The following ANKAR variants were observed in gnomAD, a reference collection of about 807,000 sequenced individuals.
ANKAR encodes the protein ankyrin and armadillo repeat containing, also known as ankyrin and armadillo repeat-containing protein.
ANKAR carries 136 observed loss-of-function variants against 146.2 expected under a neutral mutation model. That is an observed-to-expected ratio of 0.93 (90% CI 0.81 to 1.07). ANKAR has a LOEUF of 1.07. ANKAR is among the 50% of genes least tolerant of loss of function. The pLI, the probability that ANKAR is intolerant of heterozygous loss-of-function variation, is 0.00. For missense variants in ANKAR, 1,567 were observed against 1,679.9 expected (o/e 0.93, Z 1.18); for synonymous variants, 500 against 575.8 (o/e 0.87, Z 1.88).
chr2:189,698,380 A>G (rs2037554887), intron 7 of ANKAR, among the ~76,000 whole-genome samples: 1 of 151,786 alleles, frequency 6.6e-6, no homozygotes. Context: ...AGTGGTTTCT[A>G]CAACTTAAAA....
At chr2:189,698,405 A>G (rs1009043739) in intron 7 of ANKAR, among the ~76,000 whole-genome samples, 36 of 151,986 alleles carry the variant, frequency 2.4e-4, no homozygotes, top group Non-Finnish European at 4.7e-4. Context: ...AAAAGTTATT[A>G]TAATATAAAT....
At chr2:189,699,116 G>C (rs538932857) in intron 7 of ANKAR, among the ~76,000 whole-genome samples, 29 of 152,092 alleles carry the variant, frequency 1.9e-4, no homozygotes, top group African/African-American at 7.0e-4. Context: ...GCCTTCATAG[G>C]TGCTCAGGAA....
chr2:189,754,861 C>T, intron 18 of ANKAR: 1 of 322,742 alleles, frequency 3.1e-6, no homozygotes, highest in Non-Finnish European at 5.6e-6. Context: ...CTTATTTTAC[C>T]TTTTTTGCAG....
chr2:189,691,276 G>A (rs549227695), intron 3 of ANKAR, among the ~76,000 whole-genome samples: 46 of 152,260 alleles, frequency 3.0e-4, no homozygotes, highest in African/African-American at 1.0e-3. Context: ...AGCTGGTCTC[G>A]GACTCCTGAC....
chr2:189,719,611 A>C lies in ANKAR; in HGVS notation c.2264A>C (p.Lys755Thr). ...TTAATCAATCTATTAAAAAGTTCCA[A>C]AATAAAACTGCAGTGCAAAACTGTT... is the stretch of plus-strand genomic sequence containing the variant. ...PALINLLKSS[K>T]IKLQCKTVGL... The change falls in exon 11 of 23, where the codon AAA becomes ACA. Residue 755 changes from lysine (K) to threonine (T), a missense_variant. By Grantham distance (78) the Lys-to-Thr change is moderately conservative (BLOSUM62 -1). Transcript: ENST00000684021. The C allele has an allele frequency of 6.2e-7, 1 of 1,613,312 alleles. No individual in the cohort carries two copies. The highest frequency in any genetic ancestry group is 8.5e-7 in the Non-Finnish European group (1 of 1,179,406).
intron 10 of ANKAR, among the ~76,000 whole-genome samples, chr2:189,711,453 T>G (rs2039669716): frequency 6.6e-6 from 1 of 152,216 alleles, no homozygotes; most frequent in South Asian, 2.1e-4. Context: ...TATACTTACT[T>G]TCATTTAGAA....
chr2:189,754,274 AT>A (rs2106000887), intron 18 of ANKAR: 1 of 1,613,828 alleles, frequency 6.2e-7, no homozygotes, highest in East Asian at 2.2e-5. Flanking sequence ...GTTTGGCCAA[AT>A]GTTCTATGGC....
intron 18 of ANKAR, chr2:189,754,144 C>A (rs553841379): frequency 6.2e-7 from 1 of 1,613,084 alleles, no homozygotes; most frequent in African/African-American, 1.3e-5. Context: ...AATATACCTT[C>A]CTCTTTTTCC....
At chr2:189,688,247 C>T (rs73048427) in intron 2 of ANKAR, among the ~76,000 whole-genome samples, 8,135 of 152,114 alleles carry the variant, frequency 0.053, 713 homozygotes, top group African/African-American at 0.19. Context: ...GTTCTTGGCA[C>T]CTTTGTTGAA....
intron 3 of ANKAR, among the ~76,000 whole-genome samples, chr2:189,691,708 T>TGA (rs1204097696): frequency 2.8e-5 from 4 of 143,874 alleles, no homozygotes; most frequent in South Asian, 2.1e-4. Context: ...TGTATATATT[T>TGA]GAGATATATA....
intron 10 of ANKAR, among the ~76,000 whole-genome samples, chr2:189,712,911 G>A (rs2039902670): frequency 6.6e-6 from 1 of 152,144 alleles, no homozygotes; most frequent in African/African-American, 2.4e-5. Context: ...AGAATAAACA[G>A]TGTAGAGAAG....
intron 18 of ANKAR, among the ~76,000 whole-genome samples, chr2:189,758,766 A>G (rs1446552895): frequency 6.6e-6 from 1 of 152,272 alleles, no homozygotes; most frequent in Non-Finnish European, 1.5e-5. Context: ...CTTGGCACTT[A>G]GACTCTACTG....
At chr2:189,712,622 C>T (rs2039866074) in intron 10 of ANKAR, among the ~76,000 whole-genome samples, 3 of 152,136 alleles carry the variant, frequency 2.0e-5, no homozygotes, top group Admixed American at 2.0e-4. Context: ...TGTAGGTCAC[C>T]AACATCAAAG....
Position 189,719,802 on chromosome 2 carries a change from A to G in ANKAR, c.2455A>G (p.Ile819Val). 6.4e-7 allele frequency: 1 copy of G among 1,573,508 alleles called. No individual in the cohort carries two copies. The highest frequency in any genetic ancestry group is 8.7e-7 in the Non-Finnish European group (1 of 1,149,452). The change falls in exon 11 of 23, where the codon ATT (isoleucine) becomes GTT (valine). Residue 819 changes from isoleucine (I) to valine (V), a missense_variant. By Grantham distance (29) the Ile-to-Val change is conservative (BLOSUM62 3). Transcript: ENST00000684021. ...TGCTCAATGTGAAAACAAGGATGTT[A>G]TTGCCAAATATGTAAGTTCCTTTCA... ...DIAQCENKDV[I>V]AKYNGIPSLI...
chr2:189,718,977 C>T lies in ANKAR; in HGVS notation c.2225-595C>T, dbSNP rs900086435. On this transcript the variant is annotated intron_variant, in intron 10 of 22. Coordinates refer to ENST00000684021, the MANE Select transcript of ANKAR (RefSeq NM_001378068.1). The stretch of plus-strand genomic sequence containing the variant: ...TGTTAGCCAGGATGGTCTCGATCTC[C>T]TGACCTCATGATCCACCCGCCTCGG... Among the ~76,000 whole-genome samples, 4 of 151,428 alleles carry T rather than the reference C, an allele frequency of 2.6e-5. No individual in the cohort carries two copies. In the East Asian group the frequency reaches 7.8e-4, roughly 29 times the overall value.
intron 2 of ANKAR, among the ~76,000 whole-genome samples, chr2:189,685,530 C>A (rs938399397): frequency 1.3e-5 from 2 of 152,148 alleles, no homozygotes; most frequent in African/African-American, 2.4e-5. Flanking sequence ...CTGCCCCTGG[C>A]CCAGTAATTC....
chr2:189,675,230 A>T, intron 1 of ANKAR, among the ~76,000 whole-genome samples: 1 of 149,764 alleles, frequency 6.7e-6, no homozygotes. Context: ...ATAGAGACCA[A>T]TCAGATGAAA....
intron 15 of ANKAR, among the ~76,000 whole-genome samples, chr2:189,729,609 A>G (rs2042208658): frequency 6.7e-6 from 1 of 149,942 alleles, no homozygotes; most frequent in African/African-American, 2.4e-5. Context: ...GATAATATAT[A>G]TGCAAGGTTG....
intron 10 of ANKAR, among the ~76,000 whole-genome samples, chr2:189,713,861 G>C (rs933390876): frequency 6.6e-6 from 1 of 152,142 alleles, no homozygotes; most frequent in Non-Finnish European, 1.5e-5. Flanking sequence ...CTGTATTCAG[G>C]AGACCCATCT....
Sources: gnomAD v4.1 joint callset for allele counts (sites outside exome capture counted in the v4.1 genomes callset) on GRCh38, gnomAD v4.1.1 for gene constraint, MANE v1.5 for transcripts, NCBI Gene and HGNC (gene_info 2026-07-23, HGNC 2026-07-21) for gene names.